Variants in CERK observed in about 807,000 individuals in gnomAD.
CERK encodes acylsphingosine kinase.
CERK carries 39 observed loss-of-function variants against 63.4 expected under a neutral mutation model. The ratio of observed to expected loss-of-function variants is 0.61; its 90% CI spans 0.48 to 0.80. CERK has a LOEUF of 0.80. CERK is among the 30% of genes least tolerant of loss of function. The pLI, the probability that CERK is intolerant of heterozygous loss-of-function variation, is 0.00. For missense variants in CERK, 670 were observed against 714.1 expected, an observed-to-expected ratio of 0.94 and a Z score of 0.70; for synonymous variants, 302 against 280.0, an observed-to-expected ratio of 1.08 and a Z score of -0.78.
chr22:46,693,462 T>C lies in CERK; in HGVS notation c.1091A>G (p.Glu364Gly), dbSNP rs148083979. 319 of 1,613,970 alleles carry C rather than the reference T, an allele frequency of 2.0e-4. 1 individual carries two copies. Among genetic ancestry groups the C allele is most frequent in the Non-Finnish European group, 2.6e-4 (307 of 1,180,010 alleles). ...CAAACCATACAGTGCTTTCTTCTGC[T>C]CCTCCTCCAGCTGCTGCTTGCTTTG... ...CRQSKQQLEE[E>G]QKKALYGLEA... The change falls in exon 10 of 13, where the codon GAG becomes GGG. Residue 364 changes from glutamate (E) to glycine (G), a missense_variant. By Grantham distance (98) the Glu-to-Gly change is moderately conservative. Transcript: ENST00000216264.
Position 46,695,270 on chromosome 22 carries a change from G to A in CERK, c.989C>T (p.Ser330Phe), listed in dbSNP as rs2082750540. Residue 330 changes from serine to phenylalanine, a missense_variant, in exon 9 of 13, where the codon TCC becomes TTC. Coordinates refer to ENST00000216264, the MANE Select transcript of CERK (RefSeq NM_022766.6). Reference protein sequence around the residue: ...LSHHCYEGTVSFLPAQHTVGS... With the variant: ...LSHHCYEGTVFFLPAQHTVGS... ...CACCGTGTGTTGTGCAGGGAGGAAG[G>A]ACACTGTCCCTTCATAGCAGTGGTG... 6 of 1,612,806 alleles carry A rather than the reference G, an allele frequency of 3.7e-6. No homozygotes were observed. The highest frequency in any genetic ancestry group is 5.1e-6 in the Non-Finnish European group (6 of 1,178,758).
At chr22:46,735,663 A>C (rs1275464930) in intron 1 of CERK, among the ~76,000 whole-genome samples, 1 of 152,106 alleles carries the variant, frequency 6.6e-6, no homozygotes, top group Non-Finnish European at 1.5e-5. Context: ...GTTTTTGCAC[A>C]ATTCTCCACC....
intron 1 of CERK, among the ~76,000 whole-genome samples, chr22:46,736,971 T>C (rs1305609448): frequency 3.3e-5 from 5 of 152,172 alleles, no homozygotes; most frequent in African/African-American, 9.7e-5. Flanking sequence ...GCATGAATCC[T>C]GGCCTCTGCC....
chr22:46,710,453 G>C (rs1176993551), intron 5 of CERK, among the ~76,000 whole-genome samples: 1 of 151,554 alleles, frequency 6.6e-6, no homozygotes, highest in African/African-American at 2.4e-5. Context: ...AAAAAAGAAT[G>C]TAAGTTAATA....
intron 1 of CERK, among the ~76,000 whole-genome samples, chr22:46,730,990 A>C (rs940074430): frequency 6.6e-6 from 1 of 152,250 alleles, no homozygotes; most frequent in Non-Finnish European, 1.5e-5. Flanking sequence ...CCAGCCCTCC[A>C]ACCAAGCCCA....
At chr22:46,730,428 AAAG>A (rs1181937428) in intron 1 of CERK, among the ~76,000 whole-genome samples, 2 of 152,296 alleles carry the variant, frequency 1.3e-5, no homozygotes, top group Admixed American at 6.5e-5. Flanking sequence ...CTCAAAAAAA[AAAG>A]AAGTTTTCAG....
chr22:46,696,762 G>A (rs919234566), intron 8 of CERK, among the ~76,000 whole-genome samples: 4 of 152,296 alleles, frequency 2.6e-5, no homozygotes, highest in South Asian at 2.1e-4. Flanking sequence ...CCCGGAAGGC[G>A]TCTCCTGCCT....
intron 9 of CERK, 169 bp from the exon 10 acceptor site, chr22:46,693,672 T>TCTA: frequency 1.7e-6 from 1 of 580,136 alleles, no homozygotes; most frequent in Non-Finnish European, 3.1e-6. Flanking sequence ...GAATGAGACC[T>TCTA]ACTTTTACAA....
rs1376300717 is a variant in CERK, at chr22:46,708,039, G to A, written c.570-51C>T. On this transcript the variant is annotated intron_variant, in intron 5 of 12. Coordinates refer to ENST00000216264, the MANE Select transcript of CERK (RefSeq NM_022766.6). ...GGCTCCTGCAGGTGCGGCCCTCTGA[G>A]CGCAGCAGGCCTGAGGCTTCCAGCT... The A allele has an allele frequency of 1.3e-6, 2 of 1,550,284 alleles. 1 individual carries two copies. The highest frequency in any genetic ancestry group is 3.5e-4 in the Middle Eastern group (2 of 5,758).
chr22:46,688,737 A>G (rs1051098071), intron 12 of CERK, among the ~76,000 whole-genome samples: 2 of 152,264 alleles, frequency 1.3e-5, no homozygotes, highest in African/African-American at 4.8e-5. Context: ...CGTTGCAGAC[A>G]GGCGTGGGCC....
chr22:46,692,904 CAAAA>C (rs34255348), intron 10 of CERK, among the ~76,000 whole-genome samples: 116 of 92,944 alleles, frequency 1.2e-3, no homozygotes, highest in African/African-American at 2.1e-3. Flanking sequence ...AAACTCCATC[CAAAA>C]AAAAAAAAAA....
Position 46,707,835 on chromosome 22 carries a change from C to T in CERK, c.715+8G>A. On this transcript the variant is annotated splice_region_variant and intron_variant, in intron 6 of 12. Transcript: ENST00000216264. The stretch of plus-strand genomic sequence containing the variant: ...AAGAGAACAGAGAATGCCAGGCCGG[C>T]TCCATACCTGCGGGAATGATTCCAA... The T allele has an allele frequency of 6.2e-7, 1 of 1,601,892 alleles. No individual in the cohort carries two copies.
chr22:46,707,863 C>A lies in CERK; in HGVS notation c.695G>T (p.Arg232Leu), dbSNP rs139872392. 2.5e-5 allele frequency: 41 copies of A among 1,611,948 alleles called. No individual in the cohort carries two copies. Among genetic ancestry groups the A allele is most frequent in the Non-Finnish European group, 3.4e-5 (40 of 1,178,846 alleles). The change falls in exon 6 of 13, where the codon CGG (arginine) becomes CTG (leucine). Residue 232 changes from arginine to leucine, a missense_variant. Arg to Leu is a moderately radical substitution (Grantham distance 102). Coordinates refer to ENST00000216264, the MANE Select transcript of CERK (RefSeq NM_022766.6). ...PRAVLVPSSL[R>L]IGIIPAGSTD... ...CATACCTGCGGGAATGATTCCAATC[C>A]GGAGGCTACTGGGGACCAGCACAGC...
At position 46,684,416 on chromosome 22, in the gene CERK, C is replaced by G. The variant is rs2082688318; in HGVS notation, c.*2718G>C. ...GGAAAGAAAGCAAGCCAAGTCTGCC[C>G]AAGTAACTTTATTCGTGTCTTCTCA... On this transcript the variant is annotated 3_prime_UTR_variant, in exon 13 of 13. Transcript: ENST00000216264. 1 of 152,178 alleles carries G rather than the reference C, an allele frequency of 6.6e-6. No homozygotes were observed. Among genetic ancestry groups the G allele is most frequent in the African/African-American group, 2.4e-5 (1 of 41,440 alleles). 9.4% of individuals were successfully genotyped at this position (152,178 alleles called of 1,614,324 possible).
intron 1 of CERK, among the ~76,000 whole-genome samples, chr22:46,737,516 G>A (rs578074219): frequency 6.6e-6 from 1 of 152,278 alleles, no homozygotes; most frequent in African/African-American, 2.4e-5. Context: ...AAAGTCAGGG[G>A]CCCCTTCTTT....
chr22:46,702,223 A>ATATGTGTGTG (rs1555984593), intron 6 of CERK, among the ~76,000 whole-genome samples: 21 of 84,786 alleles, frequency 2.5e-4, no homozygotes, highest in Non-Finnish European at 4.2e-4. Context: ...AAATATATAT[A>ATATGTGTGTG]TGTGTGTGTG....
intron 1 of CERK, among the ~76,000 whole-genome samples, chr22:46,731,184 C>T (rs1006434200): frequency 6.6e-6 from 1 of 152,256 alleles, no homozygotes; most frequent in Non-Finnish European, 1.5e-5. Context: ...AGCCCGGGCC[C>T]CCACCCTGCA....
intron 8 of CERK, among the ~76,000 whole-genome samples, chr22:46,698,464 G>A (rs1278965980): frequency 1.3e-5 from 2 of 152,236 alleles, no homozygotes; most frequent in Non-Finnish European, 2.9e-5. Context: ...ACAAAACCAC[G>A]CAACCTTGTT....
intron 6 of CERK, among the ~76,000 whole-genome samples, chr22:46,703,046 C>T (rs777451278): frequency 7.9e-5 from 12 of 152,302 alleles, no homozygotes; most frequent in Admixed American, 3.9e-4. Flanking sequence ...CCTTGAGCCT[C>T]TCTGTGCCTA....
Sources: allele counts gnomAD v4.1 joint callset (sites outside exome capture counted in the v4.1 genomes callset), GRCh38; gene constraint gnomAD v4.1.1; transcripts MANE v1.5; gene names NCBI Gene and HGNC (gene_info 2026-07-23, HGNC 2026-07-21).